IQSEC1: variants seen among roughly 807,000 people sequenced by gnomAD.
IQSEC1 encodes the protein IQ motif and SEC7 domain-containing protein 1.
A neutral mutation model predicts 91.0 loss-of-function variants in IQSEC1; 31 were observed. That is an observed-to-expected ratio of 0.34 (90% CI 0.26 to 0.46). IQSEC1 has a LOEUF of 0.46. IQSEC1 is among the 20% of genes least tolerant of loss of function. IQSEC1 has a pLI of 1.00. For missense variants in IQSEC1, 1,388 were observed against 1,575.6 expected, an observed-to-expected ratio of 0.88 and a Z score of 2.02; for synonymous variants, 699 against 662.6, an observed-to-expected ratio of 1.05 and a Z score of -0.84.
intron 6 of IQSEC1, among the ~76,000 whole-genome samples, chr3:12,916,523 G>T (rs181419729): frequency 9.3e-4 from 141 of 152,334 alleles, no homozygotes; most frequent in African/African-American, 3.3e-3. Flanking sequence ...CCAGACTGCA[G>T]TCCAAAAGGC....
In IQSEC1 at chr3:12,914,355, G is replaced by A. The variant is rs1695863488; in HGVS notation, c.2190+749C>T. 1.3e-5 allele frequency among the ~76,000 whole-genome samples: 2 copies of A among 152,226 alleles called. 1 individual carries two copies. Among genetic ancestry groups the A allele is most frequent in the South Asian group, 4.1e-4 (2 of 4,830 alleles). On this transcript the variant is annotated intron_variant, in intron 8 of 13. Transcript: ENST00000613206. ...CAGGATGGGGGAGGCGGTCAAAGGG[G>A]TGGGATCCCCGGGATCACCGTCCTG...
intron 1 of IQSEC1, among the ~76,000 whole-genome samples, chr3:12,955,375 G>A (rs1699837603): frequency 6.6e-6 from 1 of 152,224 alleles, no homozygotes; most frequent in South Asian, 2.1e-4. Context: ...AAGGAAGCAG[G>A]GGGCAGACTG....
Position 13,223,732 on chromosome 3 carries a change from CAGG to C in IQSEC1, c.272+58976_272+58978del, listed in dbSNP as rs549956976. On this transcript the variant is annotated intron_variant, in intron 1 of 15. Transcript: ENST00000648114. ...GAGGAAGTCAAAGCAAAGGCATTAG[CAGG>C]AAGAGGAAAAGCTGATTCATTTTTG... Among the ~76,000 whole-genome samples the C allele has an allele frequency of 9.8e-5, 15 of 152,316 alleles. No homozygotes were observed. The East Asian group carries it at 2.9e-3, about 29-fold the overall frequency.
chr3:13,084,334 C>A (rs557716202), intron 2 of IQSEC1, among the ~76,000 whole-genome samples: 2 of 152,128 alleles, frequency 1.3e-5, no homozygotes, highest in Non-Finnish European at 2.9e-5. Flanking sequence ...ACCCCACATC[C>A]CCCCTGACAT....
Position 13,008,557 on chromosome 3 carries a change from C to T in IQSEC1, c.23+64435G>A, listed in dbSNP as rs774221850. ...AGGCCCTCACTGACCACCGCCAAGT[C>T]GCTCCCCACTGCAGCCTCCTGCTTC... On this transcript the variant is annotated intron_variant, in intron 1 of 13. Coordinates refer to ENST00000613206, the MANE Select transcript of IQSEC1 (RefSeq NM_001134382.3). This position sits in a 1 kb window ranked among gnomAD's most constrained non-coding sequence, Gnocchi z 4.1. Among the ~76,000 whole-genome samples, 18 of 152,144 alleles carry T rather than the reference C, an allele frequency of 1.2e-4. No individual in the cohort carries two copies. Among genetic ancestry groups the T allele is most frequent in the Non-Finnish European group, 2.5e-4 (17 of 68,030 alleles).
chr3:13,128,506 C>A (rs990796375), intron 2 of IQSEC1, among the ~76,000 whole-genome samples: 1 of 152,170 alleles, frequency 6.6e-6, no homozygotes, highest in Non-Finnish European at 1.5e-5. Context: ...TGGAATAAAT[C>A]CCACTTAGTT....
At chr3:13,118,200 T>C (rs918047063) in intron 2 of IQSEC1, among the ~76,000 whole-genome samples, 1 of 152,224 alleles carries the variant, frequency 6.6e-6, no homozygotes, top group Admixed American at 6.5e-5. Flanking sequence ...CCAAACATCA[T>C]GATGTAATCC....
Position 13,256,708 on chromosome 3 carries a change from A to G in IQSEC1, c.272+26003T>C, listed in dbSNP as rs190893668. ...ACCCTTCCCTCCGGGACCCCAGGCC[A>G]TGGTGGGAAGATAGAAAGTGGACCA... On this transcript the variant is annotated intron_variant, in intron 1 of 15. Coordinates refer to the IQSEC1 transcript ENST00000648114. Among the ~76,000 whole-genome samples the G allele has an allele frequency of 2.6e-5, 4 of 152,356 alleles. No individual in the cohort carries two copies. In the East Asian group the frequency reaches 7.7e-4, roughly 29 times the overall value.
intron 1 of IQSEC1, among the ~76,000 whole-genome samples, chr3:13,040,082 C>A (rs1432415329): frequency 6.6e-6 from 1 of 152,232 alleles, no homozygotes; most frequent in Non-Finnish European, 1.5e-5. Context: ...GCCCCACCTT[C>A]CTTTCTAGCT....
At chr3:12,917,611 T>A (rs1360377045) in intron 6 of IQSEC1, among the ~76,000 whole-genome samples, 6 of 152,240 alleles carry the variant, frequency 3.9e-5, no homozygotes. Context: ...TTCCACTGTC[T>A]GGAGGCACGC....
chr3:12,916,511 C>T (rs757590443), intron 6 of IQSEC1, among the ~76,000 whole-genome samples: 3 of 152,212 alleles, frequency 2.0e-5, no homozygotes, highest in East Asian at 1.9e-4. Context: ...CTCACCCATC[C>T]GCCAGACTGC....
At chr3:12,926,792 G>A (rs1166786907) in intron 3 of IQSEC1, among the ~76,000 whole-genome samples, 1 of 152,210 alleles carries the variant, frequency 6.6e-6, no homozygotes, top group African/African-American at 2.4e-5. Context: ...ATTTCCATGT[G>A]CAAGTGAAAG....
chr3:12,904,790 A>G, intron 12 of IQSEC1, among the ~76,000 whole-genome samples: 1 of 151,930 alleles, frequency 6.6e-6, no homozygotes, highest in East Asian at 1.9e-4. Flanking sequence ...GTAACCGGCA[A>G]CTCCTTCTGG....
intron 1 of IQSEC1, among the ~76,000 whole-genome samples, chr3:13,263,439 G>GGGGGCA (rs1553581065): frequency 1.9e-5 from 2 of 107,192 alleles, no homozygotes; most frequent in African/African-American, 3.1e-5. Context: ...GGGGGGGGGG[G>GGGGGCA]AAAGTACCTG....
intron 1 of IQSEC1, among the ~76,000 whole-genome samples, chr3:13,239,553 G>A (rs1694985440): frequency 6.6e-6 from 1 of 152,256 alleles, no homozygotes; most frequent in Non-Finnish European, 1.5e-5. Flanking sequence ...TCAGCAACTT[G>A]GGGCAGCGTT....
rs180805734 is a variant in IQSEC1 at position 13,027,116 on chromosome 3, C to T, written c.23+45876G>A. On this transcript the variant is annotated intron_variant, in intron 1 of 13. Transcript: ENST00000613206. ...CCGAACTTCAAAACCCTGGATCCCCCTTCTCAAGAAGCATTGGCCTTTTGA... is the reference window on the plus strand; with the variant it reads ...CCGAACTTCAAAACCCTGGATCCCCTTTCTCAAGAAGCATTGGCCTTTTGA... Among the ~76,000 whole-genome samples, 5 of 152,316 alleles carry T rather than the reference C, an allele frequency of 3.3e-5. No individual in the cohort carries two copies. The East Asian group carries it at 9.6e-4, about 29-fold the overall frequency.
intron 1 of IQSEC1, among the ~76,000 whole-genome samples, chr3:13,061,212 A>G (rs1705057885): frequency 6.6e-6 from 1 of 152,164 alleles, no homozygotes; most frequent in Admixed American, 6.5e-5. Context: ...ACATGGGGAC[A>G]GAGCCGGCAG....
At position 12,994,005 on chromosome 3, in the gene IQSEC1, C is replaced by T. The variant is rs1702114014; in HGVS notation, c.24-52140G>A. 1.3e-5 allele frequency among the ~76,000 whole-genome samples: 2 copies of T among 150,580 alleles called. No homozygotes were observed. The highest frequency in any genetic ancestry group is 3.0e-5 in the Non-Finnish European group (2 of 67,500). ...GCCCCGCGGAGGGCATTCCCGGCTG[C>T]AGCCCCAGCGACCCCCGCCCGGGGC... On this transcript the variant is annotated intron_variant, in intron 1 of 13. Coordinates refer to ENST00000613206, the MANE Select transcript of IQSEC1 (RefSeq NM_001134382.3). This position sits in a 1 kb window ranked among gnomAD's most constrained non-coding sequence, Gnocchi z 4.5.
At chr3:13,238,669 C>T (rs1354374265) in intron 1 of IQSEC1, among the ~76,000 whole-genome samples, 1 of 152,202 alleles carries the variant, frequency 6.6e-6, no homozygotes, top group African/African-American at 2.4e-5. Flanking sequence ...GGGTCAGCAA[C>T]CTGGGCGCTG....
Sources: gnomAD v4.1 joint callset for allele counts (sites outside exome capture counted in the v4.1 genomes callset) on GRCh38, gnomAD v4.1.1 for gene constraint, Gnocchi (gnomAD v3.1) non-coding constraint, MANE v1.5 for transcripts, NCBI Gene and HGNC (gene_info 2026-07-23, HGNC 2026-07-21) for gene names.